UNC5D: variants seen among roughly 807,000 people sequenced by gnomAD.
The protein encoded by UNC5D is netrin receptor UNC5D.
In UNC5D, 39 loss-of-function variants were observed where a neutral mutation model predicts 105.4. That is an observed-to-expected ratio of 0.37 (90% confidence interval 0.29 to 0.48). The LOEUF is 0.48. UNC5D is among the 20% of genes least tolerant of loss of function. UNC5D has a pLI of 0.98. For synonymous variants in UNC5D, 452 were observed against 450.4 expected, an observed-to-expected ratio of 1.00 and a Z score of -0.04; for missense variants, 991 against 1,202.4, an observed-to-expected ratio of 0.82 and a Z score of 2.60.
intron 2 of UNC5D, among the ~76,000 whole-genome samples, chr8:35,556,410 G>A (rs1025182479): frequency 6.6e-6 from 1 of 152,138 alleles, no homozygotes; most frequent in Non-Finnish European, 1.5e-5. Context: ...AGAGTCCATG[G>A]CAGTGTTACA....
chr8:35,353,960 C>T (rs1235145988), intron 1 of UNC5D, among the ~76,000 whole-genome samples: 1 of 152,104 alleles, frequency 6.6e-6, no homozygotes, highest in African/African-American at 2.4e-5. Flanking sequence ...CTTTTCACTG[C>T]ATACTCTTTA....
rs184747607 is a variant in UNC5D, at chr8:35,648,221, T to C, written c.571-35326T>C. Among the ~76,000 whole-genome samples the C allele has an allele frequency of 2.6e-5, 4 of 152,304 alleles. No homozygotes were observed. The East Asian group carries it at 7.7e-4, about 29-fold the overall frequency. On this transcript the variant is annotated intron_variant, in intron 4 of 16. Coordinates refer to ENST00000404895, the MANE Select transcript of UNC5D (RefSeq NM_080872.4). ...GGTCTTGTATGTCCCATTATACTTA[T>C]CTTTCTAGTACAAAATTACTATGTA...
At chr8:35,401,106 A>T (rs1243569954) in intron 1 of UNC5D, among the ~76,000 whole-genome samples, 1 of 152,162 alleles carries the variant, frequency 6.6e-6, no homozygotes, top group Non-Finnish European at 1.5e-5. Context: ...AAAAGAAGGT[A>T]AAATACTCAT....
rs1487384943 is a variant in UNC5D at position 35,538,391 on chromosome 8, AT to A, written c.104-10900del. 5.2e-3 allele frequency among the ~76,000 whole-genome samples: 554 copies of A among 105,670 alleles called. 2 individuals are homozygous for A. Among genetic ancestry groups the A allele is most frequent in the African/African-American group, 1.0e-2 (250 of 25,032 alleles). 69.3% of individuals were successfully genotyped at this position (105,670 alleles called of 152,430 possible). A position where few individuals can be genotyped will look rare whatever the true frequency, so the allele number is the denominator to read the frequency against. On this transcript the variant is annotated intron_variant, in intron 1 of 16. Transcript: ENST00000404895. ...CTGGTCAGTCGTGATTTAAAAAAAA[AT>A]AATTATATATATATATATATATATA...
chr8:35,435,358 T>C (rs1482291796), intron 1 of UNC5D, among the ~76,000 whole-genome samples: 2 of 152,080 alleles, frequency 1.3e-5, no homozygotes, highest in African/African-American at 4.8e-5. Flanking sequence ...ACATTCTCTG[T>C]CTTCACTCCT....
At chr8:35,385,401 T>G (rs1475666939) in intron 1 of UNC5D, among the ~76,000 whole-genome samples, 1 of 151,482 alleles carries the variant, frequency 6.6e-6, no homozygotes, top group Non-Finnish European at 1.5e-5. Context: ...ATAATGGGGA[T>G]GGTTACTGTA....
At chr8:35,722,729 A>T (rs1456290371) in intron 9 of UNC5D, among the ~76,000 whole-genome samples, 2 of 152,232 alleles carry the variant, frequency 1.3e-5, no homozygotes, top group Non-Finnish European at 2.9e-5. Context: ...TAATTTAGTT[A>T]ACCAAAGTAT....
intron 4 of UNC5D, among the ~76,000 whole-genome samples, chr8:35,600,764 A>C (rs1453566132): frequency 6.6e-6 from 1 of 152,050 alleles, no homozygotes; most frequent in African/African-American, 2.4e-5. Flanking sequence ...GTTCACTCTG[A>C]TGGTGGTTTC....
At chr8:35,305,920 TTC>T (rs1221077795) in intron 1 of UNC5D, among the ~76,000 whole-genome samples, 28 of 144,804 alleles carry the variant, frequency 1.9e-4, no homozygotes, top group Admixed American at 2.8e-4. Flanking sequence ...TTTCATTCTT[TTC>T]TCTCTCTCTC....
chr8:35,441,590 C>CA (rs1004347509), intron 1 of UNC5D, among the ~76,000 whole-genome samples: 2 of 151,648 alleles, frequency 1.3e-5, no homozygotes, highest in African/African-American at 2.4e-5. Flanking sequence ...AGAAGTAGGT[C>CA]AAAATGTTAG....
At chr8:35,404,937 AC>A (rs1438036439) in intron 1 of UNC5D, among the ~76,000 whole-genome samples, 6 of 152,174 alleles carry the variant, frequency 3.9e-5, no homozygotes, top group African/African-American at 7.2e-5. Context: ...ATTGGTCTGT[AC>A]TAAGAATGGC....
At chr8:35,276,097 T>C (rs1430947827) in intron 1 of UNC5D, among the ~76,000 whole-genome samples, 1 of 152,216 alleles carries the variant, frequency 6.6e-6, no homozygotes, top group East Asian at 1.9e-4. Context: ...GTTGTGAAGA[T>C]TTCAGTGTAC....
intron 3 of UNC5D, among the ~76,000 whole-genome samples, chr8:35,570,610 C>T (rs957475068): frequency 2.6e-5 from 4 of 151,700 alleles, no homozygotes; most frequent in African/African-American, 9.7e-5. Context: ...CTGGATCAGC[C>T]CTCAGTCCCC....
At chr8:35,519,649 A>T (rs367786919) in intron 1 of UNC5D, among the ~76,000 whole-genome samples, 2 of 152,188 alleles carry the variant, frequency 1.3e-5, no homozygotes, top group African/African-American at 4.8e-5. Context: ...CTAAATATCC[A>T]TTGACAGATT....
At chr8:35,467,589 A>AAAAAGAAAAAAAAAAAAAAAAAAAAG (rs1554537851) in intron 1 of UNC5D, among the ~76,000 whole-genome samples, 2 of 126,234 alleles carry the variant, frequency 1.6e-5, no homozygotes, top group African/African-American at 2.8e-5. Flanking sequence ...AAAAAAAAAA[A>AAAAAGAAAAAAAAAAAAAAAAAAAAG]AAGAAGAAAA....
At chr8:35,692,008 A>AAGAC (rs553886830) in intron 7 of UNC5D, among the ~76,000 whole-genome samples, 691 of 152,294 alleles carry the variant, frequency 4.5e-3, no homozygotes, top group African/African-American at 0.014. Context: ...AGGGGCCTGA[A>AAGAC]AGAGGAAGTC....
In UNC5D at chr8:35,726,537, G is replaced by GT; in HGVS notation, c.1681+9dup. The GT allele has an allele frequency of 6.2e-7, 1 of 1,608,884 alleles. No individual in the cohort carries two copies. On this transcript the variant is annotated intron_variant, in intron 10 of 16. Coordinates refer to ENST00000404895, the MANE Select transcript of UNC5D (RefSeq NM_080872.4). ...TAGTAATGCCAAATACAGGTGGGTG[G>GT]TAAGTGTGTGTTTGTGTATTTTCCA...
intron 1 of UNC5D, among the ~76,000 whole-genome samples, chr8:35,534,793 C>CA (rs1014503890): frequency 4.0e-5 from 6 of 151,486 alleles, no homozygotes; most frequent in Admixed American, 3.9e-4. Flanking sequence ...ATTTGGGCTA[C>CA]AAAAAAAGAT....
At chr8:35,420,252 T>C (rs754013257) in intron 1 of UNC5D, among the ~76,000 whole-genome samples, 4 of 152,182 alleles carry the variant, frequency 2.6e-5, no homozygotes, top group Non-Finnish European at 4.4e-5. Context: ...GCTACAGAGC[T>C]TTTATTAATA....
Sources: allele counts gnomAD v4.1 joint callset (sites outside exome capture counted in the v4.1 genomes callset), GRCh38; gene constraint gnomAD v4.1.1; transcripts MANE v1.5; gene names NCBI Gene and HGNC (gene_info 2026-07-23, HGNC 2026-07-21).